The following EXOC6B variants were observed in gnomAD, a reference collection of about 807,000 sequenced individuals.
The protein encoded by EXOC6B is exocyst complex component 6B.
In EXOC6B, 54 loss-of-function variants were observed where a neutral mutation model predicts 113.5. The observed-to-expected ratio is 0.48, with a 90% CI of 0.38 to 0.60. EXOC6B has a LOEUF of 0.60. EXOC6B is among the 20% of genes least tolerant of loss of function. The pLI, the probability that EXOC6B is intolerant of heterozygous loss-of-function variation, is 0.00. For synonymous variants in EXOC6B, 357 were observed against 339.0 expected, an observed-to-expected ratio of 1.05 and a Z score of -0.58; for missense variants, 797 against 977.5, an observed-to-expected ratio of 0.82 and a Z score of 2.46.
At chr2:72,282,131 A>T (rs1448472602) in intron 20 of EXOC6B, among the ~76,000 whole-genome samples, 1 of 152,184 alleles carries the variant, frequency 6.6e-6, no homozygotes, top group Non-Finnish European at 1.5e-5. Flanking sequence ...CAACATCTGT[A>T]GGCCTACACT....
chr2:72,205,352 A>G (rs556328185), intron 20 of EXOC6B, among the ~76,000 whole-genome samples: 1 of 146,506 alleles, frequency 6.8e-6, no homozygotes, highest in Admixed American at 6.8e-5. Context: ...TCACTATTTT[A>G]TGCTTAAAGT....
At chr2:72,643,276 G>A (rs2104356728) in intron 6 of EXOC6B, among the ~76,000 whole-genome samples, 1 of 150,838 alleles carries the variant, frequency 6.6e-6, no homozygotes, top group East Asian at 2.0e-4. Flanking sequence ...TATACCCAAA[G>A]GACTATAAAT....
chr2:72,805,580 A>G (rs1685538595), intron 1 of EXOC6B, among the ~76,000 whole-genome samples: 1 of 152,212 alleles, frequency 6.6e-6, no homozygotes. Context: ...ACATTGTGAA[A>G]TGATTAAATC....
intron 11 of EXOC6B, among the ~76,000 whole-genome samples, chr2:72,501,752 G>GA (rs573440321): frequency 5.4e-4 from 58 of 108,164 alleles, no homozygotes; most frequent in South Asian, 3.1e-3. Flanking sequence ...AAACAAAACA[G>GA]AAAAAAAACA....
At position 72,679,645 on chromosome 2, in the gene EXOC6B, G is replaced by A. The variant is rs112208221; in HGVS notation, c.669+38458C>T. On this transcript the variant is annotated intron_variant, in intron 6 of 21. Transcript: ENST00000272427. Reference sequence around the variant, plus strand: ...AAGTTGTAAAATGAATTGGGAGGAGGTAACAGAAAAAGCAAAGTGTGCATT... The same window carrying A: ...AAGTTGTAAAATGAATTGGGAGGAGATAACAGAAAAAGCAAAGTGTGCATT... Among the ~76,000 whole-genome samples the A allele has an allele frequency of 6.0e-3, 914 of 152,280 alleles. 5 individuals carry two copies. The highest frequency in any genetic ancestry group is 8.7e-3 in the Non-Finnish European group (592 of 68,020).
In EXOC6B at chr2:72,179,418, G is replaced by A. The variant is rs1244736463; in HGVS notation, c.2353C>T (p.Arg785Trp). 3.1e-6 allele frequency: 5 copies of A among 1,613,644 alleles called. No homozygotes were observed. The highest frequency in any genetic ancestry group is 1.7e-5 in the Admixed American group (1 of 59,982). The change falls in exon 22 of 22, where the codon CGG (arginine) becomes TGG (tryptophan). Residue 785 changes from arginine (R) to tryptophan (W), a missense_variant. Arg to Trp is a moderately radical substitution (Grantham distance 101, BLOSUM62 -3). Coordinates refer to ENST00000272427, the MANE Select transcript of EXOC6B (RefSeq NM_015189.3). Reference protein sequence around the residue: ...SRKNNMFAQFRKNERDKQKLI... With the variant: ...SRKNNMFAQFWKNERDKQKLI... Reference sequence around the variant, plus strand: ...TTCTGCTTGTCTCGCTCATTTTTCCGAAACTGTGCAAACATGTTGTTCTTG... The same window carrying A: ...TTCTGCTTGTCTCGCTCATTTTTCCAAAACTGTGCAAACATGTTGTTCTTG...
intron 1 of EXOC6B, among the ~76,000 whole-genome samples, chr2:72,756,565 C>A (rs1290975379): frequency 2.6e-5 from 4 of 152,152 alleles, no homozygotes; most frequent in Non-Finnish European, 5.9e-5. Context: ...GCACTATCAT[C>A]CATACCATTA....
chr2:72,659,448 T>C (rs2104441982), intron 6 of EXOC6B, among the ~76,000 whole-genome samples: 1 of 152,292 alleles, frequency 6.6e-6, no homozygotes, highest in East Asian at 1.9e-4. Context: ...CAAATCCTCA[T>C]TATTTTATCT....
chr2:72,279,634 G>A (rs1685010050), intron 20 of EXOC6B, among the ~76,000 whole-genome samples: 4 of 152,094 alleles, frequency 2.6e-5, no homozygotes, highest in Admixed American at 1.3e-4. Flanking sequence ...ATGTTTTTGA[G>A]ACAAGGTCTG....
rs975151789 is a variant in EXOC6B at position 72,176,343 on chromosome 2, C to T, written c.*2992G>A. Reference sequence around the variant, plus strand: ...GAGAGGAGTCCTGGGAGAAGGGAGGCTAAGGTAGGGGAATTTCTGCAGCAG... The same window carrying T: ...GAGAGGAGTCCTGGGAGAAGGGAGGTTAAGGTAGGGGAATTTCTGCAGCAG... On this transcript the variant is annotated 3_prime_UTR_variant, in exon 22 of 22. Transcript: ENST00000272427. 1.2e-4 allele frequency: 18 copies of T among 151,378 alleles called. No individual in the cohort carries two copies. Among genetic ancestry groups the T allele is most frequent in the African/African-American group, 4.4e-4 (18 of 41,122 alleles). 9.4% of individuals were successfully genotyped at this position (151,378 alleles called of 1,614,324 possible). A position where few individuals can be genotyped will look rare whatever the true frequency, so the allele number is the denominator to read the frequency against.
chr2:72,524,726 C>T (rs1474882508), intron 8 of EXOC6B, among the ~76,000 whole-genome samples: 1 of 152,012 alleles, frequency 6.6e-6, no homozygotes, highest in Non-Finnish European at 1.5e-5. Flanking sequence ...TCATGTACCC[C>T]ACAAATATAT....
chr2:72,446,834 G>A (rs1696612638), intron 18 of EXOC6B, among the ~76,000 whole-genome samples: 1 of 152,152 alleles, frequency 6.6e-6, no homozygotes, highest in Non-Finnish European at 1.5e-5. Flanking sequence ...ATGTTGGCTG[G>A]GCACAGTGGC....
rs974850788 is a variant in EXOC6B, at chr2:72,764,656, G to A, written c.114-23187C>T. ...GCTGGGATGACAGGCATGAGCCACC[G>A]TGCCTGACCCCCTTACTTTCTCTTT... On this transcript the variant is annotated intron_variant, in intron 1 of 21. Transcript: ENST00000272427. Among the ~76,000 whole-genome samples, 6 of 151,920 alleles carry A rather than the reference G, an allele frequency of 3.9e-5. No individual in the cohort carries two copies. The South Asian group carries it at 6.2e-4, about 16-fold the overall frequency.
chr2:72,641,265 C>T (rs987106534), intron 6 of EXOC6B, among the ~76,000 whole-genome samples: 1 of 152,210 alleles, frequency 6.6e-6, no homozygotes, highest in African/African-American at 2.4e-5. Flanking sequence ...CGGGGCATCG[C>T]CTCACCTGGG....
chr2:72,604,422 G>A (rs1220839543), intron 6 of EXOC6B, among the ~76,000 whole-genome samples: 2 of 152,060 alleles, frequency 1.3e-5, no homozygotes, highest in Non-Finnish European at 2.9e-5. Context: ...CAATAATAAC[G>A]TTTGTGAGTG....
intron 5 of EXOC6B, among the ~76,000 whole-genome samples, chr2:72,719,578 A>T (rs1679865112): frequency 6.6e-6 from 1 of 152,230 alleles, no homozygotes; most frequent in Non-Finnish European, 1.5e-5. Context: ...AGCTGACTTT[A>T]AAACTGCTTT....
rs908047817 is a variant in EXOC6B, at chr2:72,224,994, G to GTGTGTATATATATATATATATATA, written c.2197-40808_2197-40807insTATATATATATATATATATACACA. Among the ~76,000 whole-genome samples, 185 of 137,282 alleles carry GTGTGTATATATATATATATATATA rather than the reference G, an allele frequency of 1.3e-3. 1 individual carries two copies. The highest frequency in any genetic ancestry group is 3.8e-3 in the Middle Eastern group (1 of 266). 90.1% of individuals were successfully genotyped at this position (137,282 alleles called of 152,430 possible). ...CATCTCTCTCTGTATGTGTGTGTGT[G>GTGTGTATATATATATATATATATA]TATATATATATAAATACACATACTT... is the stretch of plus-strand genomic sequence containing the variant. On this transcript the variant is annotated intron_variant, in intron 20 of 21. Transcript: ENST00000272427.
intron 20 of EXOC6B, among the ~76,000 whole-genome samples, chr2:72,271,915 G>A (rs919417408): frequency 6.6e-6 from 1 of 152,048 alleles, no homozygotes; most frequent in Non-Finnish European, 1.5e-5. Flanking sequence ...GTCACATAGA[G>A]GTAAAGCTGA....
chr2:72,232,001 G>C (rs1428761527), intron 20 of EXOC6B, among the ~76,000 whole-genome samples: 3 of 151,932 alleles, frequency 2.0e-5, no homozygotes, highest in Non-Finnish European at 4.4e-5. Flanking sequence ...TTTTGAGACA[G>C]TCTGGCTCTG....
Sources: gnomAD v4.1 joint callset for allele counts (sites outside exome capture counted in the v4.1 genomes callset) on GRCh38, gnomAD v4.1.1 for gene constraint, MANE v1.5 for transcripts, NCBI Gene and HGNC (gene_info 2026-07-23, HGNC 2026-07-21) for gene names.